The following CDKAL1 variants were observed in gnomAD, a reference collection of about 807,000 sequenced individuals.
CDKAL1 encodes the protein threonylcarbamoyladenosine tRNA methylthiotransferase.
CDKAL1 carries 32 observed loss-of-function variants against 68.2 expected under a neutral mutation model. The ratio of observed to expected loss-of-function variants is 0.47; its 90% confidence interval spans 0.35 to 0.63. The LOEUF (loss-of-function observed/expected upper bound fraction) is 0.63, where lower values mean the gene tolerates loss of function less well. Among genes scored for constraint, CDKAL1 ranks in the 30% least tolerant of loss-of-function variants. The pLI is 0.00. For missense variants in CDKAL1, 606 were observed against 696.7 expected, an observed-to-expected ratio of 0.87 and a Z score of 1.47; for synonymous variants, 234 against 244.3, an observed-to-expected ratio of 0.96 and a Z score of 0.39.
chr6:20,638,688 T>G (rs1768019374), intron 4 of CDKAL1, among the ~76,000 whole-genome samples: 1 of 151,528 alleles, frequency 6.6e-6, no homozygotes. Context: ...CTCAGCTCAC[T>G]GCAACCTCCA....
At chr6:21,206,935 T>C (rs1778963341) in intron 15 of CDKAL1, among the ~76,000 whole-genome samples, 1 of 152,098 alleles carries the variant, frequency 6.6e-6, no homozygotes, top group South Asian at 2.1e-4. Context: ...ATTTCTTTTT[T>C]TTTTCTTTTT....
intron 8 of CDKAL1, among the ~76,000 whole-genome samples, chr6:20,798,249 G>A (rs1186099843): frequency 6.6e-6 from 1 of 152,084 alleles, no homozygotes; most frequent in Non-Finnish European, 1.5e-5. Flanking sequence ...TATAGCACAA[G>A]GGAATGTTCT....
rs376064880 is a variant in CDKAL1, at chr6:20,773,654, T to C, written c.518-7491T>C. ...GCTCCACCTTCTGGGTTCACGCCATTCTCCTGCCTCAGCCTCCCGAGTAGC... is the reference window on the plus strand; with the variant it reads ...GCTCCACCTTCTGGGTTCACGCCATCCTCCTGCCTCAGCCTCCCGAGTAGC... On this transcript the variant is annotated intron_variant, in intron 7 of 15. Transcript: ENST00000274695. 2.1e-3 allele frequency among the ~76,000 whole-genome samples: 317 copies of C among 152,156 alleles called. 1 individual carries two copies. Among genetic ancestry groups the C allele is most frequent in the African/African-American group, 7.2e-3 (300 of 41,510 alleles).
intron 8 of CDKAL1, among the ~76,000 whole-genome samples, chr6:20,812,710 A>G (rs377131891): frequency 2.2e-4 from 33 of 152,308 alleles, no homozygotes; most frequent in Admixed American, 6.5e-4. Context: ...ATCATTGTAT[A>G]TATGATGACT....
intron 13 of CDKAL1, 137 bp downstream of exon 13, chr6:21,108,600 T>G: frequency 1.8e-6 from 1 of 546,754 alleles, no homozygotes; most frequent in Non-Finnish European, 3.2e-6. Flanking sequence ...TTTAGCTCTT[T>G]ATCCCTTTTA....
intron 15 of CDKAL1, among the ~76,000 whole-genome samples, chr6:21,221,419 G>A (rs149802284): frequency 0.027 from 4,084 of 152,050 alleles, 170 homozygotes; most frequent in African/African-American, 0.092. Context: ...GTAGAGAGGG[G>A]GTTTCGCCAT....
At chr6:20,843,471 A>C (rs1367236281) in intron 8 of CDKAL1, among the ~76,000 whole-genome samples, 1 of 151,416 alleles carries the variant, frequency 6.6e-6, no homozygotes, top group Non-Finnish European at 1.5e-5. Context: ...TTTTTTCTTC[A>C]GTTTTTGTAA....
chr6:21,029,046 T>C (rs1240463383), intron 11 of CDKAL1, among the ~76,000 whole-genome samples: 2 of 152,070 alleles, frequency 1.3e-5, no homozygotes, highest in African/African-American at 2.4e-5. Context: ...ACCTCTCTTT[T>C]CTTTTCTTTC....
chr6:20,900,973 A>G (rs528763756), intron 9 of CDKAL1, among the ~76,000 whole-genome samples: 13 of 152,340 alleles, frequency 8.5e-5, no homozygotes, highest in African/African-American at 3.1e-4. Flanking sequence ...CTGAAAATCA[A>G]TGAGACGTGT....
intron 5 of CDKAL1, among the ~76,000 whole-genome samples, chr6:20,666,347 G>T (rs1769543602): frequency 6.6e-6 from 1 of 151,126 alleles, no homozygotes; most frequent in Non-Finnish European, 1.5e-5. Context: ...ATACATTTCT[G>T]GTAGAAGTTT....
chr6:20,539,352 TCA>T lies in CDKAL1; in HGVS notation c.-6+3962_-6+3963del, dbSNP rs1438285262. Among the ~76,000 whole-genome samples the T allele has an allele frequency of 6.6e-6, 1 of 152,192 alleles. No individual in the cohort carries two copies. Among genetic ancestry groups the T allele is most frequent in the African/African-American group, 2.4e-5 (1 of 41,440 alleles). Reference sequence around the variant, plus strand: ...CACCTGGGATAAAACAGTGAACACCTCACACGAAAACCTTTACCCTCACGAAG... The same window carrying T: ...CACCTGGGATAAAACAGTGAACACCTCACGAAAACCTTTACCCTCACGAAG... On this transcript the variant is annotated intron_variant, in intron 2 of 15. Transcript: ENST00000274695. The surrounding 1 kb of genome is among the most constrained non-coding windows in gnomAD (Gnocchi z 4.3).
intron 5 of CDKAL1, among the ~76,000 whole-genome samples, chr6:20,666,786 G>C (rs1769569098): frequency 6.9e-6 from 1 of 144,628 alleles, no homozygotes; most frequent in Non-Finnish European, 1.5e-5. Context: ...TGACATTTTT[G>C]AAGTGTCTGG....
chr6:21,054,558 C>T (rs1770726813), intron 11 of CDKAL1, among the ~76,000 whole-genome samples: 1 of 152,132 alleles, frequency 6.6e-6, no homozygotes, highest in Non-Finnish European at 1.5e-5. Context: ...GCCATCTTAA[C>T]AATGCTAAAT....
intron 5 of CDKAL1, among the ~76,000 whole-genome samples, chr6:20,719,096 G>A (rs890673931): frequency 7.2e-5 from 11 of 152,178 alleles, no homozygotes; most frequent in Admixed American, 5.9e-4. Context: ...CAGTCAGTGT[G>A]TAGGGTTTTC....
intron 10 of CDKAL1, among the ~76,000 whole-genome samples, chr6:20,970,380 C>T (rs1302337063): frequency 6.6e-6 from 1 of 152,038 alleles, no homozygotes; most frequent in Admixed American, 6.5e-5. Flanking sequence ...TTGCTGCAAA[C>T]CTTTAGTTAA....
At chr6:20,770,311 T>G (rs1163087426) in intron 7 of CDKAL1, among the ~76,000 whole-genome samples, 1 of 152,176 alleles carries the variant, frequency 6.6e-6, no homozygotes, top group Non-Finnish European at 1.5e-5. Context: ...AAATGAAAGA[T>G]TCTATAGAGA....
chr6:21,033,401 G>A (rs1287896809), intron 11 of CDKAL1, among the ~76,000 whole-genome samples: 1 of 152,118 alleles, frequency 6.6e-6, no homozygotes, highest in Non-Finnish European at 1.5e-5. Context: ...AATGTTGACT[G>A]AAAGTTTTTT....
At chr6:20,985,358 A>G (rs1310826591) in intron 10 of CDKAL1, among the ~76,000 whole-genome samples, 1 of 152,110 alleles carries the variant, frequency 6.6e-6, no homozygotes. Flanking sequence ...CAGTGCTGCG[A>G]TCTCGGCTCA....
intron 8 of CDKAL1, among the ~76,000 whole-genome samples, chr6:20,837,744 T>TATAATAATAATAATAATAATA (rs56163103): frequency 4.1e-5 from 6 of 148,006 alleles, no homozygotes; most frequent in South Asian, 2.1e-4. Flanking sequence ...CACTTCAGCA[T>TATAATAATAATAATAATAATA]ATAATAATAA....
Sources: gnomAD v4.1 joint callset for allele counts (sites outside exome capture counted in the v4.1 genomes callset) on GRCh38, gnomAD v4.1.1 for gene constraint, Gnocchi (gnomAD v3.1) non-coding constraint, MANE v1.5 for transcripts, NCBI Gene and HGNC (gene_info 2026-07-23, HGNC 2026-07-21) for gene names.